NCKAP5: variants seen among roughly 807,000 people sequenced by gnomAD.
The protein encoded by NCKAP5 is NCK associated protein 5.
NCKAP5 carries 92 observed loss-of-function variants against 167.0 expected under a neutral mutation model. The observed-to-expected ratio is 0.55, with a 90% CI of 0.47 to 0.66. NCKAP5 has a LOEUF of 0.66. NCKAP5 is among the 30% of genes least tolerant of loss of function. NCKAP5 has a pLI of 0.00. For synonymous variants in NCKAP5, 891 were observed against 877.4 expected, an observed-to-expected ratio of 1.02 and a Z score of -0.27; for missense variants, 2,378 against 2,315.0, an observed-to-expected ratio of 1.03 and a Z score of -0.56.
intron 3 of NCKAP5, among the ~76,000 whole-genome samples, chr2:133,507,546 G>C (rs1363049933): frequency 6.6e-6 from 1 of 152,238 alleles, no homozygotes; most frequent in Non-Finnish European, 1.5e-5. Flanking sequence ...GAACTGCCTG[G>C]CATGTAAAGA....
At chr2:133,329,520 C>T (rs1357714830) in intron 3 of NCKAP5, among the ~76,000 whole-genome samples, 1 of 151,846 alleles carries the variant, frequency 6.6e-6, no homozygotes, top group African/African-American at 2.4e-5. Flanking sequence ...ATAAATCTGA[C>T]AAAAGTGGGG....
chr2:132,959,982 C>T (rs1323446374), intron 8 of NCKAP5, among the ~76,000 whole-genome samples: 1 of 152,136 alleles, frequency 6.6e-6, no homozygotes, highest in African/African-American at 2.4e-5. Flanking sequence ...AGTGATTTCT[C>T]CTCCAGGCAC....
chr2:133,451,966 A>G (rs572261380), intron 3 of NCKAP5, among the ~76,000 whole-genome samples: 18 of 152,342 alleles, frequency 1.2e-4, no homozygotes, highest in African/African-American at 4.3e-4. Flanking sequence ...CTATATGTGC[A>G]CTGCACAAGA....
intron 5 of NCKAP5, among the ~76,000 whole-genome samples, chr2:133,154,662 A>G (rs1013419941): frequency 3.3e-5 from 5 of 152,216 alleles, no homozygotes; most frequent in Admixed American, 6.5e-5. Context: ...GAAGACTTTG[A>G]TAAGTGCTGG....
intron 10 of NCKAP5, among the ~76,000 whole-genome samples, chr2:132,866,527 C>A (rs866595975): frequency 7.2e-5 from 11 of 152,082 alleles, no homozygotes; most frequent in Non-Finnish European, 1.2e-4. Flanking sequence ...TGACGAGGTA[C>A]ACTGAACAGA....
intron 3 of NCKAP5, among the ~76,000 whole-genome samples, chr2:133,377,928 G>T (rs1240212250): frequency 3.9e-5 from 6 of 152,124 alleles, no homozygotes; most frequent in Non-Finnish European, 7.4e-5. Flanking sequence ...ATTGGCTGGG[G>T]GCAGGGCTGC....
At chr2:132,729,091 T>A in intron 17 of NCKAP5, 139 bp from the exon 18 acceptor site, 3 of 1,158,658 alleles carry the variant, frequency 2.6e-6, no homozygotes, top group Non-Finnish European at 3.7e-6. Flanking sequence ...TGCCACTCTG[T>A]CCCACTGTAG....
chr2:133,359,797 T>C (rs1000764108), intron 3 of NCKAP5, among the ~76,000 whole-genome samples: 1 of 152,230 alleles, frequency 6.6e-6, no homozygotes, highest in Admixed American at 6.5e-5. Context: ...TATTTGGCTA[T>C]ACAATAACTT....
rs867819252 is a variant in NCKAP5, at chr2:132,728,883, G to C, written c.5513C>G (p.Ala1838Gly). The C allele has an allele frequency of 6.2e-7, 1 of 1,613,848 alleles. No individual in the cohort carries two copies. The highest frequency in any genetic ancestry group is 1.3e-5 in the African/African-American group (1 of 74,906). Residue 1838 changes from alanine (A) to glycine (G), a missense_variant, in exon 18 of 20, where the codon GCT (alanine) becomes GGT (glycine). Coordinates refer to ENST00000409261, the MANE Select transcript of NCKAP5 (RefSeq NM_207363.3). Reference sequence around the variant, plus strand: ...CGGCTGGCTTGCCATTGGGTCTTCAGCATATCCGAATGATGAGCATGTCTG... The same window carrying C: ...CGGCTGGCTTGCCATTGGGTCTTCACCATATCCGAATGATGAGCATGTCTG... ...RPQTCSSFGY[A>G]EDPMASQPLP...
At chr2:133,592,305 C>T in the NCKAP5 span, among the ~76,000 whole-genome samples, 1 of 152,192 alleles carries the variant, frequency 6.6e-6, no homozygotes, top group South Asian at 2.1e-4. Flanking sequence ...CCAAGTCAGC[C>T]TCAGGCAAAA....
chr2:133,234,005 G>A (rs2087277300), intron 4 of NCKAP5, among the ~76,000 whole-genome samples: 1 of 152,198 alleles, frequency 6.6e-6, no homozygotes, highest in Admixed American at 6.5e-5. Flanking sequence ...CGAAAGAAGG[G>A]CCAGACAACC....
chr2:133,487,624 C>A (rs1681027073), intron 3 of NCKAP5, among the ~76,000 whole-genome samples: 1 of 152,076 alleles, frequency 6.6e-6, no homozygotes, highest in Admixed American at 6.6e-5. Context: ...ACTGGATATA[C>A]CCTCCATGTA....
chr2:133,494,519 T>G (rs1246079225), intron 3 of NCKAP5, among the ~76,000 whole-genome samples: 1 of 152,108 alleles, frequency 6.6e-6, no homozygotes, highest in Admixed American at 6.6e-5. Flanking sequence ...AAAATAAATT[T>G]CTAAGCCTCC....
intron 3 of NCKAP5, among the ~76,000 whole-genome samples, chr2:133,401,689 G>C (rs1688109717): frequency 6.6e-6 from 1 of 152,058 alleles, no homozygotes; most frequent in Non-Finnish European, 1.5e-5. Context: ...AAGTAGCACA[G>C]GTTCCTTAAC....
At position 133,191,366 on chromosome 2, in the gene NCKAP5, G is replaced by A. The variant is rs573968353; in HGVS notation, c.207+22350C>T. Among the ~76,000 whole-genome samples, 33 of 152,256 alleles carry A rather than the reference G, an allele frequency of 2.2e-4. 1 individual carries two copies. In the South Asian group the frequency reaches 2.3e-3, roughly 11 times the overall value. On this transcript the variant is annotated intron_variant, in intron 5 of 19. Coordinates refer to ENST00000409261, the MANE Select transcript of NCKAP5 (RefSeq NM_207363.3). ...CAACCATTGTGGAAGACAGTGTGGC[G>A]ATCCCTCAAGGATCTAGAACTAGAA...
rs924276889 is a variant in NCKAP5 at position 133,234,012 on chromosome 2, A to C, written c.144-20233T>G. 2.0e-5 allele frequency among the ~76,000 whole-genome samples: 3 copies of C among 152,362 alleles called. 1 individual carries two copies. In the South Asian group the frequency reaches 6.2e-4, roughly 32 times the overall value. Reference sequence around the variant, plus strand: ...AGGACTATCGAAAGAAGGGCCAGACAACCAGACTAAAACCTGGGAGCAAAC... The same window carrying C: ...AGGACTATCGAAAGAAGGGCCAGACCACCAGACTAAAACCTGGGAGCAAAC... On this transcript the variant is annotated intron_variant, in intron 4 of 19. Coordinates refer to ENST00000409261, the MANE Select transcript of NCKAP5 (RefSeq NM_207363.3).
At chr2:132,761,036 C>A (rs1251270815) in intron 16 of NCKAP5, among the ~76,000 whole-genome samples, 1 of 149,754 alleles carries the variant, frequency 6.7e-6, no homozygotes, top group Admixed American at 6.6e-5. Flanking sequence ...AAACATTTTC[C>A]TCCTCTTTTT....
At chr2:133,420,377 T>A (rs1347826701) in intron 3 of NCKAP5, among the ~76,000 whole-genome samples, 2 of 152,174 alleles carry the variant, frequency 1.3e-5, no homozygotes, top group Non-Finnish European at 2.9e-5. Context: ...TATTGTACAA[T>A]CCATTTATAC....
At chr2:133,192,898 A>G (rs1347443459) in intron 5 of NCKAP5, among the ~76,000 whole-genome samples, 2 of 152,120 alleles carry the variant, frequency 1.3e-5, no homozygotes, top group East Asian at 3.9e-4. Flanking sequence ...CTGGGAATTG[A>G]TCTCAGAGAA....
Sources: allele counts gnomAD v4.1 joint callset (sites outside exome capture counted in the v4.1 genomes callset), GRCh38; gene constraint gnomAD v4.1.1; transcripts MANE v1.5; gene names NCBI Gene and HGNC (gene_info 2026-07-23, HGNC 2026-07-21).